The following CAMSAP2 variants were observed in gnomAD, a reference collection of about 807,000 sequenced individuals.
CAMSAP2 encodes calmodulin regulated spectrin associated protein family member 2.
In CAMSAP2, 26 loss-of-function variants were observed where a neutral mutation model predicts 146.1. The ratio of observed to expected loss-of-function variants is 0.18; its 90% confidence interval spans 0.13 to 0.25. The LOEUF (loss-of-function observed/expected upper bound fraction) is 0.25, where lower values mean the gene tolerates loss of function less well. Among genes scored for constraint, CAMSAP2 ranks in the 10% least tolerant of loss-of-function variants. The pLI, the probability that CAMSAP2 is intolerant of heterozygous loss-of-function variation, is 1.00. For synonymous variants in CAMSAP2, 499 were observed against 596.6 expected (o/e 0.84, Z 2.38); for missense variants, 1,381 against 1,759.3 (o/e 0.78, Z 3.85).
At position 200,849,590 on chromosome 1, in the gene CAMSAP2, C is replaced by T. The variant is rs1165390988; in HGVS notation, c.2821C>T (p.Leu941=). ...TTTTAAGCCTTCTAAGCAGGCAGGC[C>T]TGTCATCAGCCATTGCACCATTCTC... The part of the protein sequence containing the change: ...RDFKPSKQAG[L]SSAIAPFSSD... The change falls in exon 11 of 17, where the codon CTG becomes TTG. Residue 941 remains leucine (L), a synonymous_variant. Transcript: ENST00000358823. This position sits in a 1 kb window ranked among gnomAD's most constrained non-coding sequence, Gnocchi z 6.3. The T allele has an allele frequency of 6.2e-7, 1 of 1,614,218 alleles. No homozygotes were observed. The highest frequency in any genetic ancestry group is 2.2e-5 in the East Asian group (1 of 44,880).
intron 2 of CAMSAP2, among the ~76,000 whole-genome samples, chr1:200,803,215 C>T (rs910424636): frequency 1.3e-5 from 2 of 152,198 alleles, no homozygotes; most frequent in African/African-American, 2.4e-5. Flanking sequence ...GTTTGAATCC[C>T]TACATCACTG....
intron 1 of CAMSAP2, among the ~76,000 whole-genome samples, chr1:200,746,499 A>C (rs918845391): frequency 6.6e-6 from 1 of 152,158 alleles, no homozygotes; most frequent in Non-Finnish European, 1.5e-5. Flanking sequence ...AGGAATATAA[A>C]ATGGTGGTGT....
At chr1:200,805,763 T>C (rs1666155362) in intron 2 of CAMSAP2, among the ~76,000 whole-genome samples, 1 of 152,122 alleles carries the variant, frequency 6.6e-6, no homozygotes, top group Non-Finnish European at 1.5e-5. Flanking sequence ...CACAAAAGCT[T>C]GAAAACTGGT....
At chr1:200,763,177 G>A (rs1664846946) in intron 2 of CAMSAP2, among the ~76,000 whole-genome samples, 1 of 152,150 alleles carries the variant, frequency 6.6e-6, no homozygotes, top group Non-Finnish European at 1.5e-5. Context: ...TGAGATTACA[G>A]GTGCACGGCA....
At chr1:200,792,371 A>T (rs1018469948) in intron 2 of CAMSAP2, among the ~76,000 whole-genome samples, 1 of 152,220 alleles carries the variant, frequency 6.6e-6, no homozygotes, top group Non-Finnish European at 1.5e-5. Flanking sequence ...AGTTTAAAAA[A>T]GCCAATCCCA....
chr1:200,789,284 G>A (rs756827549), intron 2 of CAMSAP2, among the ~76,000 whole-genome samples: 3 of 151,824 alleles, frequency 2.0e-5, no homozygotes, highest in Non-Finnish European at 4.4e-5. Context: ...TTTTTCTTCT[G>A]TTATCTTCTA....
At chr1:200,783,483 C>A (rs748639058) in intron 2 of CAMSAP2, among the ~76,000 whole-genome samples, 4 of 151,962 alleles carry the variant, frequency 2.6e-5, no homozygotes, top group Non-Finnish European at 4.4e-5. Flanking sequence ...TTCACATTTT[C>A]TTTTCTTTTC....
rs1667566746 is a variant in CAMSAP2, at chr1:200,849,802, A to G, written c.3033A>G (p.Gln1011=). ...LPRLRRFSPS[Q]VPIQTRSFVC... Reference sequence around the variant, plus strand: ...GGTTAAGGAGGTTTTCACCAAGTCAAGTTCCTATTCAAACTAGGTCATTTG... The same window carrying G: ...GGTTAAGGAGGTTTTCACCAAGTCAGGTTCCTATTCAAACTAGGTCATTTG... The change falls in exon 11 of 17, where the codon CAA becomes CAG. Residue 1011 remains glutamine, a synonymous_variant. Coordinates refer to ENST00000358823, the MANE Select transcript of CAMSAP2 (RefSeq NM_203459.4). The surrounding 1 kb of genome is among the most constrained non-coding windows in gnomAD (Gnocchi z 6.3). 6.2e-7 allele frequency: 1 copy of G among 1,614,098 alleles called. No homozygotes were observed. The highest frequency in any genetic ancestry group is 8.5e-7 in the Non-Finnish European group (1 of 1,180,040).
chr1:200,752,819 G>A (rs943116026), intron 1 of CAMSAP2, among the ~76,000 whole-genome samples: 4 of 151,754 alleles, frequency 2.6e-5, no homozygotes, highest in Admixed American at 6.6e-5. Context: ...GGGTTTTGCC[G>A]TGTTAGCCAG....
chr1:200,773,315 G>A (rs1296904777), intron 2 of CAMSAP2, among the ~76,000 whole-genome samples: 1 of 152,126 alleles, frequency 6.6e-6, no homozygotes, highest in South Asian at 2.1e-4. Flanking sequence ...GTGCAGTGGT[G>A]TGATCTCGGC....
intron 2 of CAMSAP2, among the ~76,000 whole-genome samples, chr1:200,783,009 G>T (rs185623394): frequency 1.3e-5 from 2 of 151,224 alleles, no homozygotes; most frequent in Admixed American, 6.6e-5. Flanking sequence ...CAAGCAATTC[G>T]CCTGCCTCGG....
chr1:200,819,318 T>G (rs1485178332), intron 4 of CAMSAP2, among the ~76,000 whole-genome samples: 2 of 152,206 alleles, frequency 1.3e-5, no homozygotes, highest in African/African-American at 4.8e-5. Flanking sequence ...ATACTTCTTT[T>G]GATTGTAAAT....
At chr1:200,798,058 T>C (rs1665934352) in intron 2 of CAMSAP2, among the ~76,000 whole-genome samples, 1 of 150,546 alleles carries the variant, frequency 6.6e-6, no homozygotes, top group Non-Finnish European at 1.5e-5. Context: ...AGTACCATGC[T>C]GTTTTGGTTA....
rs1308666646 is a variant in CAMSAP2 at position 200,858,175 on chromosome 1, A to G, written c.*116A>G. On this transcript the variant is annotated 3_prime_UTR_variant, in exon 17 of 17. Coordinates refer to ENST00000358823, the MANE Select transcript of CAMSAP2 (RefSeq NM_203459.4). ...CTTTTATTAATTAAAACTGGACATTAAGCTCTGTTGTCATGAACAACTGGA... is the reference window on the plus strand; with the variant it reads ...CTTTTATTAATTAAAACTGGACATTGAGCTCTGTTGTCATGAACAACTGGA... 1.1e-6 allele frequency: 1 copy of G among 904,226 alleles called. No individual in the cohort carries two copies. The highest frequency in any genetic ancestry group is 3.0e-5 in the Admixed American group (1 of 33,868). 56.0% of individuals were successfully genotyped at this position (904,226 alleles called of 1,614,324 possible). A position where few individuals can be genotyped will look rare whatever the true frequency, so the allele number is the denominator to read the frequency against.
Position 200,855,321 on chromosome 1 carries a change from G to A in CAMSAP2, c.3896+432G>A, listed in dbSNP as rs143445618. Among the ~76,000 whole-genome samples the A allele has an allele frequency of 5.1e-3, 768 of 152,072 alleles. 10 individuals are homozygous for A. The highest frequency in any genetic ancestry group is 0.018 in the African/African-American group (738 of 41,534). On this transcript the variant is annotated intron_variant, in intron 14 of 16. Transcript: ENST00000358823. Reference sequence around the variant, plus strand: ...CTATGACTTAGGAAGGATCTCTTTTGTATTTTCTTTCTCTAGGATTCTTTC... The same window carrying A: ...CTATGACTTAGGAAGGATCTCTTTTATATTTTCTTTCTCTAGGATTCTTTC...
chr1:200,791,960 T>C (rs1025926176), intron 2 of CAMSAP2, among the ~76,000 whole-genome samples: 1 of 148,684 alleles, frequency 6.7e-6, no homozygotes, highest in Non-Finnish European at 1.5e-5. Flanking sequence ...AGCAAGACCC[T>C]GTCTCCAAAA....
At chr1:200,831,391 G>T (rs1462882515) in intron 4 of CAMSAP2, among the ~76,000 whole-genome samples, 1 of 152,144 alleles carries the variant, frequency 6.6e-6, no homozygotes, top group Non-Finnish European at 1.5e-5. Flanking sequence ...AGAAATGAGA[G>T]TTTAAGTAAC....
At chr1:200,749,268 G>A (rs549712115) in intron 1 of CAMSAP2, among the ~76,000 whole-genome samples, 12 of 152,318 alleles carry the variant, frequency 7.9e-5, no homozygotes, top group Middle Eastern at 3.4e-3. Flanking sequence ...CCACACACTT[G>A]CTCTATTAGA....
chr1:200,746,506 G>A (rs930210242), intron 1 of CAMSAP2, among the ~76,000 whole-genome samples: 1 of 152,208 alleles, frequency 6.6e-6, no homozygotes, highest in Non-Finnish European at 1.5e-5. Context: ...TAAAATGGTG[G>A]TGTGTGCATT....
Sources: allele counts gnomAD v4.1 joint callset (sites outside exome capture counted in the v4.1 genomes callset), GRCh38; gene constraint gnomAD v4.1.1; non-coding constraint Gnocchi (gnomAD v3.1); transcripts MANE v1.5; gene names NCBI Gene and HGNC (gene_info 2026-07-23, HGNC 2026-07-21).